TAB2: variants seen among roughly 807,000 people sequenced by gnomAD.
The protein encoded by TAB2 is TGF-beta-activated kinase 1 and MAP3K7-binding protein 2.
Under a neutral mutation model 65.0 loss-of-function variants are expected in TAB2, and 3 were observed. The ratio of observed to expected loss-of-function variants is 0.05; its 90% confidence interval spans 0.02 to 0.12. The LOEUF (loss-of-function observed/expected upper bound fraction) is 0.12. Ranked by LOEUF, TAB2 falls within the 10% of genes least tolerant of loss-of-function variation. TAB2 has a pLI of 1.00. For synonymous variants in TAB2, 298 were observed against 285.1 expected, an observed-to-expected ratio of 1.05 and a Z score of -0.46; for missense variants, 623 against 840.3, an observed-to-expected ratio of 0.74 and a Z score of 3.20.
intron 1 of TAB2, among the ~76,000 whole-genome samples, chr6:149,360,987 C>T (rs1780828224): frequency 6.6e-6 from 1 of 152,196 alleles, no homozygotes; most frequent in African/African-American, 2.4e-5. Flanking sequence ...CTTTGAGCAG[C>T]CCTGCCTGTG....
intron 1 of TAB2, among the ~76,000 whole-genome samples, chr6:149,241,544 T>C (rs1777598196): frequency 6.6e-6 from 1 of 152,224 alleles, no homozygotes; most frequent in Non-Finnish European, 1.5e-5. Context: ...TAAAGTCTGC[T>C]TGCAAATTGA....
chr6:149,320,554 T>C (rs1779413403), intron 1 of TAB2, among the ~76,000 whole-genome samples: 1 of 152,262 alleles, frequency 6.6e-6, no homozygotes. Flanking sequence ...GAGTGAAATG[T>C]ACATATGTGT....
chr6:149,307,934 A>T (rs532994066), intron 1 of TAB2, among the ~76,000 whole-genome samples: 10 of 152,352 alleles, frequency 6.6e-5, no homozygotes, highest in African/African-American at 2.4e-4. Flanking sequence ...ACCCACATTC[A>T]GACAAACACC....
At chr6:149,247,635 C>A (rs1045773418) in intron 1 of TAB2, 2 of 152,174 alleles carry the variant, frequency 1.3e-5, no homozygotes, top group African/African-American at 4.8e-5. Flanking sequence ...TCATAACTGC[C>A]CCTATGGGGT....
At chr6:149,319,215 G>A (rs1160519330) in intron 1 of TAB2, among the ~76,000 whole-genome samples, 3 of 152,188 alleles carry the variant, frequency 2.0e-5, no homozygotes, top group Admixed American at 2.0e-4. Context: ...ATTTGGCCGG[G>A]AATTTTAGTG....
chr6:149,365,538 G>T (rs765809838), intron 1 of TAB2, among the ~76,000 whole-genome samples: 1 of 151,852 alleles, frequency 6.6e-6, no homozygotes, highest in Non-Finnish European at 1.5e-5. Context: ...CTGTTTCTTT[G>T]GCTGTTTTCA....
intron 3 of TAB2, among the ~76,000 whole-genome samples, chr6:149,390,955 C>G (rs188818079): frequency 2.0e-5 from 3 of 152,136 alleles, no homozygotes; most frequent in East Asian, 3.9e-4. Context: ...TTCATTTTTC[C>G]TGGAGTCTTC....
chr6:149,407,227 T>A (rs1001388323), intron 6 of TAB2, among the ~76,000 whole-genome samples: 2 of 152,212 alleles, frequency 1.3e-5, no homozygotes. Flanking sequence ...AAGCACTAAC[T>A]CTAAAATATG....
At chr6:149,228,177 A>T (rs186935139) in intron 1 of TAB2, among the ~76,000 whole-genome samples, 1,549 of 152,236 alleles carry the variant, frequency 0.01, 13 homozygotes, top group African/African-American at 0.023. Flanking sequence ...TTTAAAATTT[A>T]AAAAAAATCT....
chr6:149,262,830 G>A (rs1385023801), intron 1 of TAB2, among the ~76,000 whole-genome samples: 1 of 150,992 alleles, frequency 6.6e-6, no homozygotes, highest in Non-Finnish European at 1.5e-5. Flanking sequence ...TATTTTTAGG[G>A]TCTCACTCTG....
At chr6:149,260,189 A>C (rs1194242545) in intron 1 of TAB2, among the ~76,000 whole-genome samples, 1 of 152,218 alleles carries the variant, frequency 6.6e-6, no homozygotes, top group Non-Finnish European at 1.5e-5. Flanking sequence ...AAACCGGCTC[A>C]GGCACCACCT....
chr6:149,366,587 C>T (rs1781046710), intron 1 of TAB2, among the ~76,000 whole-genome samples: 1 of 152,010 alleles, frequency 6.6e-6, no homozygotes, highest in Non-Finnish European at 1.5e-5. Context: ...GGAAAGTTAC[C>T]CTTGCTGTTT....
intron 1 of TAB2, chr6:149,321,402 T>C: frequency 6.6e-6 from 1 of 152,192 alleles, no homozygotes; most frequent in South Asian, 2.1e-4. Context: ...TAAGTACTCT[T>C]AGGAGTTATA....
chr6:149,357,234 G>A (rs987669838), intron 1 of TAB2, among the ~76,000 whole-genome samples: 2 of 151,958 alleles, frequency 1.3e-5, no homozygotes, highest in East Asian at 1.9e-4. Context: ...TGGCCAATAT[G>A]GTGAAGTCCC....
At chr6:149,390,577 CGAA>C (rs775823822) in intron 3 of TAB2, among the ~76,000 whole-genome samples, 1 of 152,008 alleles carries the variant, frequency 6.6e-6, no homozygotes, top group Non-Finnish European at 1.5e-5. Context: ...AATTGAGTAA[CGAA>C]GAAATTTTCT....
chr6:149,379,572 C>T (rs572975325), intron 3 of TAB2, 54 bp downstream of exon 3: 4 of 1,536,966 alleles, frequency 2.6e-6, no homozygotes, highest in South Asian at 2.2e-5. Context: ...TGTTGGTGTG[C>T]ATTTGATTTC....
Position 149,378,255 on chromosome 6 carries a change from G to A in TAB2, c.340G>A (p.Gly114Ser). Residue 114 changes from glycine to serine, a missense_variant, in exon 3 of 7, where the codon GGT becomes AGT. Gly to Ser is a moderately conservative substitution (Grantham distance 56). Coordinates refer to ENST00000637181, the MANE Select transcript of TAB2 (RefSeq NM_001292034.3). ...THSISDGQLQ[G>S]GQSNSELFQQ... ...CAGCATTAGTGATGGACAACTTCAAGGTGGCCAGTCCAATAGTGAACTATT... is the reference window on the plus strand; with the variant it reads ...CAGCATTAGTGATGGACAACTTCAAAGTGGCCAGTCCAATAGTGAACTATT... 6.2e-7 allele frequency: 1 copy of A among 1,614,178 alleles called. No individual in the cohort carries two copies. Among genetic ancestry groups the A allele is most frequent in the Non-Finnish European group, 8.5e-7 (1 of 1,180,042 alleles).
At chr6:149,279,447 G>C (rs933100131) in intron 1 of TAB2, among the ~76,000 whole-genome samples, 1 of 152,094 alleles carries the variant, frequency 6.6e-6, no homozygotes, top group Non-Finnish European at 1.5e-5. Flanking sequence ...AATGCTACCT[G>C]TATGCCAGTG....
chr6:149,371,894 G>A (rs1295970695), intron 2 of TAB2, among the ~76,000 whole-genome samples: 1 of 152,136 alleles, frequency 6.6e-6, no homozygotes, highest in African/African-American at 2.4e-5. Flanking sequence ...GTGTGGGAAA[G>A]GAGCGGAGAT....
Sources: allele counts gnomAD v4.1 joint callset (sites outside exome capture counted in the v4.1 genomes callset), GRCh38; gene constraint gnomAD v4.1.1; transcripts MANE v1.5; gene names NCBI Gene and HGNC (gene_info 2026-07-23, HGNC 2026-07-21).